The following B3GALT9 variants were observed in gnomAD, a reference collection of about 807,000 sequenced individuals.
B3GALT9 encodes the protein UDP-GlcNAc:betaGal beta-1,3-N-acetylglucosaminyltransferase 10 (putative).
At chr9:120,796,772 G>A (rs2044941528) in intron 2 of B3GALT9, among the ~76,000 whole-genome samples, 163 bp downstream of exon 2, 1 of 152,074 alleles carries the variant, frequency 6.6e-6, no homozygotes, top group Admixed American at 6.5e-5. Context: ...TAAAGGACAT[G>A]GGGGCCAGGT....
Position 120,799,459 on chromosome 9 carries a change from T to A in B3GALT9, c.891T>A (p.Ile297=), listed in dbSNP as rs139122611. 5.0e-6 allele frequency: 2 copies of A among 399,226 alleles called. No homozygotes were observed. The highest frequency in any genetic ancestry group is 2.1e-5 in the African/African-American group (1 of 48,638). 24.7% of individuals were successfully genotyped at this position (399,226 alleles called of 1,614,324 possible). The change falls in exon 3 of 3, where the codon ATT becomes ATA. Residue 297 remains isoleucine (I), a synonymous_variant. Coordinates refer to ENST00000689072, the MANE Select transcript of B3GALT9 (RefSeq NM_001386823.1). The part of the protein sequence containing the change: ...HSSRFSGKRH[I]RYNRCCYKFI... ...CAAGGTTTTCTGGGAAAAGGCACAT[T>A]AGATACAACAGATGTTGCTATAAGT...
chr9:120,796,548 A>G lies in B3GALT9; in HGVS notation c.-56A>G, dbSNP rs2131404416. ...GAGTGATCCTGAGATGCGTTTGGGC[A>G]TAATTGGCACCTGGACTCAATAATT... is the stretch of plus-strand genomic sequence containing the variant. On this transcript the variant is annotated 5_prime_UTR_variant, in exon 2 of 3. Transcript: ENST00000689072. 1.3e-5 allele frequency: 2 copies of G among 152,372 alleles called. No individual in the cohort carries two copies. The highest frequency in any genetic ancestry group is 3.4e-3 in the Middle Eastern group (1 of 294). 9.4% of individuals were successfully genotyped at this position (152,372 alleles called of 1,614,324 possible). A position where few individuals can be genotyped will look rare whatever the true frequency, so the allele number is the denominator to read the frequency against.
Position 120,798,560 on chromosome 9 carries a change from C to A in B3GALT9, c.7-15C>A, listed in dbSNP as rs1188193075. On this transcript the variant is annotated splice_polypyrimidine_tract_variant and intron_variant, in intron 2 of 2. Coordinates refer to ENST00000689072, the MANE Select transcript of B3GALT9 (RefSeq NM_001386823.1). ...AGGTGAAGCCTGAATGAACACGTGT[C>A]CTTTCCTTTTTTAGGTGACTTTCTG... is the stretch of plus-strand genomic sequence containing the variant. 2 of 399,522 alleles carry A rather than the reference C, an allele frequency of 5.0e-6. No homozygotes were observed. The highest frequency in any genetic ancestry group is 8.8e-6 in the Non-Finnish European group (2 of 226,224). 24.7% of individuals were successfully genotyped at this position (399,522 alleles called of 1,614,324 possible).
At chr9:120,797,022 A>C (rs2044943113) in intron 2 of B3GALT9, among the ~76,000 whole-genome samples, 2 of 138,922 alleles carry the variant, frequency 1.4e-5, no homozygotes, top group African/African-American at 5.2e-5. Flanking sequence ...ATGCCACTGC[A>C]GTCCAGCCTG....
At position 120,801,183 on chromosome 9, in the gene B3GALT9, A is replaced by G. The variant is rs941992556; in HGVS notation, c.*1505A>G. ...TGCATTGAATGTGGGGAGTGCAGAT[A>G]TCTCTTTAACATACTGATTTAATAT... is the stretch of plus-strand genomic sequence containing the variant. On this transcript the variant is annotated 3_prime_UTR_variant, in exon 3 of 3. Transcript: ENST00000689072. Among the ~76,000 whole-genome samples, 10 of 152,208 alleles carry G rather than the reference A, an allele frequency of 6.6e-5. No homozygotes were observed. Among genetic ancestry groups the G allele is most frequent in the Non-Finnish European group, 1.2e-4 (8 of 68,032 alleles).
rs976302852 is a variant in B3GALT9, at chr9:120,798,955, G to A, written c.387G>A (p.Ser129=). The A allele has an allele frequency of 1.0e-5, 4 of 398,790 alleles. No homozygotes were observed. Among genetic ancestry groups the A allele is most frequent in the South Asian group, 1.3e-4 (1 of 7,848 alleles). The allele number at this position is 398,790 out of a possible 1,614,324, so 24.7% of individuals were successfully genotyped here. ...LTLFALGMPV[S]VTTQKEINKE... ...TGTTTGCTCTGGGAATGCCTGTTTC[G>A]GTAACTACCCAGAAAGAGATCAACA... Residue 129 remains serine, a synonymous_variant, in exon 3 of 3, where the codon TCG becomes TCA. Transcript: ENST00000689072.
chr9:120,796,456 A>C lies in B3GALT9; in HGVS notation c.-148A>C, dbSNP rs2044939803. The C allele has an allele frequency of 6.6e-6, 1 of 152,210 alleles. No individual in the cohort carries two copies. The highest frequency in any genetic ancestry group is 1.5e-5 in the Non-Finnish European group (1 of 68,046). 9.4% of individuals were successfully genotyped at this position (152,210 alleles called of 1,614,324 possible). On this transcript the variant is annotated 5_prime_UTR_variant, in exon 2 of 3. Coordinates refer to ENST00000689072, the MANE Select transcript of B3GALT9 (RefSeq NM_001386823.1). The stretch of plus-strand genomic sequence containing the variant: ...TATTCTAGGATAAAAGCTCAGGTTG[A>C]TTGGCAAGAAACCTTATCCTCAAAA...
intron 2 of B3GALT9, among the ~76,000 whole-genome samples, chr9:120,797,324 T>G (rs769817413): frequency 9.2e-5 from 14 of 151,510 alleles, no homozygotes; most frequent in Non-Finnish European, 1.8e-4. Context: ...TGGCCAACAT[T>G]GCAAAACCCC....
chr9:120,794,829 T>C (rs2044925571), intron 1 of B3GALT9, among the ~76,000 whole-genome samples: 1 of 152,234 alleles, frequency 6.6e-6, no homozygotes, highest in African/African-American at 2.4e-5. Flanking sequence ...ACTAGTCTCT[T>C]GTGGCTACTG....
chr9:120,797,662 G>C (rs1331047812), intron 2 of B3GALT9, among the ~76,000 whole-genome samples: 7 of 152,118 alleles, frequency 4.6e-5, no homozygotes, highest in Admixed American at 4.6e-4. Flanking sequence ...TATCTGAAAG[G>C]GATATTACCA....
At chr9:120,795,428 A>G (rs1189619640) in intron 1 of B3GALT9, among the ~76,000 whole-genome samples, 1 of 152,230 alleles carries the variant, frequency 6.6e-6, no homozygotes, top group East Asian at 1.9e-4. Context: ...TCCAGGAGCA[A>G]AATTCATGAC....
chr9:120,794,373 T>C (rs571194772), intron 1 of B3GALT9, among the ~76,000 whole-genome samples: 26 of 151,856 alleles, frequency 1.7e-4, no homozygotes, highest in African/African-American at 6.3e-4. Context: ...CGTATCACTC[T>C]GTCGCCCAGG....
At position 120,799,333 on chromosome 9, in the gene B3GALT9, A is replaced by G. The variant is rs1156768453; in HGVS notation, c.765A>G (p.Arg255=). ...TTATAATGTCCCAAGATGTGGCTCG[A>G]ATGATGTATGTGGTTTTCAAAGAAG... ...EAFIMSQDVA[R]MMYVVFKEVP... is the part of the protein sequence containing the mutation. Residue 255 remains arginine (R), a synonymous_variant, in exon 3 of 3, where the codon CGA becomes CGG. Coordinates refer to ENST00000689072, the MANE Select transcript of B3GALT9 (RefSeq NM_001386823.1). 2.5e-6 allele frequency: 1 copy of G among 399,110 alleles called. No individual in the cohort carries two copies. The highest frequency in any genetic ancestry group is 2.1e-5 in the African/African-American group (1 of 48,574). The allele number at this position is 399,110 out of a possible 1,614,324, so 24.7% of individuals were successfully genotyped here. A position where few individuals can be genotyped will look rare whatever the true frequency, so the allele number is the denominator to read the frequency against.
In B3GALT9 at chr9:120,798,601, C is replaced by A; in HGVS notation, c.33C>A (p.His11Gln). The A allele has an allele frequency of 2.5e-6, 1 of 399,664 alleles. No individual in the cohort carries two copies. Among genetic ancestry groups the A allele is most frequent in the Non-Finnish European group, 4.4e-6 (1 of 226,222 alleles). The allele number at this position is 399,664 out of a possible 1,614,324, so 24.8% of individuals were successfully genotyped here. ...TGACTTTCTGCAGACTTCGGACTCA[C>A]CAGTGGTGTTTCATTCTATTTAATG... The part of the protein sequence containing the change: MQVTFCRLRT[H>Q]QWCFILFNVI... The change falls in exon 3 of 3, where the codon CAC becomes CAA. Residue 11 changes from histidine to glutamine, a missense_variant. His to Gln is a conservative substitution (Grantham distance 24). Transcript: ENST00000689072.
At chr9:120,795,381 A>G (rs1381122343) in intron 1 of B3GALT9, among the ~76,000 whole-genome samples, 1 of 152,250 alleles carries the variant, frequency 6.6e-6, no homozygotes, top group Admixed American at 6.5e-5. Context: ...TCTCATAACA[A>G]AGAAACCAAA....
rs187714501 is a variant in B3GALT9 at position 120,799,764 on chromosome 9, T to C, written c.*86T>C. 3.2e-4 allele frequency: 127 copies of C among 397,592 alleles called. No homozygotes were observed. Among genetic ancestry groups the C allele is most frequent in the African/African-American group, 2.5e-3 (120 of 48,744 alleles). The allele number at this position is 397,592 out of a possible 1,614,324, so 24.6% of individuals were successfully genotyped here. A position where few individuals can be genotyped will look rare whatever the true frequency, so the allele number is the denominator to read the frequency against. On this transcript the variant is annotated 3_prime_UTR_variant, in exon 3 of 3. Coordinates refer to ENST00000689072, the MANE Select transcript of B3GALT9 (RefSeq NM_001386823.1). ...AAAGCATCCCTTCTTTCCCATGTTT[T>C]ATGTAGGTTCTCTGAATCTTTAATT...
rs957691518 is a variant in B3GALT9 at position 120,800,959 on chromosome 9, C to G, written c.*1281C>G. On this transcript the variant is annotated 3_prime_UTR_variant, in exon 3 of 3. Coordinates refer to ENST00000689072, the MANE Select transcript of B3GALT9 (RefSeq NM_001386823.1). ...TTTACACTCCACATATAAGTGAGCT[C>G]ATGTGCTTATTTGTCCTTCAATGCC... Among the ~76,000 whole-genome samples the G allele has an allele frequency of 2.0e-5, 3 of 152,222 alleles. No individual in the cohort carries two copies. Among genetic ancestry groups the G allele is most frequent in the African/African-American group, 7.2e-5 (3 of 41,460 alleles).
intron 1 of B3GALT9, among the ~76,000 whole-genome samples, chr9:120,794,506 TTGTGTGTGTGTG>T (rs10589412): frequency 0.02 from 2,850 of 142,150 alleles, 50 homozygotes; most frequent in African/African-American, 0.039. Context: ...GCCCAGCTAG[TTGTGTGTGTGTG>T]TGTGTGTGTG....
At position 120,799,125 on chromosome 9, in the gene B3GALT9, C is replaced by A. The variant is rs768424714; in HGVS notation, c.557C>A (p.Thr186Lys). The A allele has an allele frequency of 2.5e-6, 1 of 398,918 alleles. No individual in the cohort carries two copies. The highest frequency in any genetic ancestry group is 4.4e-6 in the Non-Finnish European group (1 of 226,060). 24.7% of individuals were successfully genotyped at this position (398,918 alleles called of 1,614,324 possible). A position where few individuals can be genotyped will look rare whatever the true frequency, so the allele number is the denominator to read the frequency against. ...ALFILKVDEETFVNLPSLVDY... is the reference protein window; with the variant it reads ...ALFILKVDEEKFVNLPSLVDY... ...TTCATTCTCAAGGTGGATGAAGAGA[C>A]GTTTGTCAATCTACCAAGCTTGGTA... The change falls in exon 3 of 3, where the codon ACG becomes AAG. Residue 186 changes from threonine to lysine, a missense_variant. Thr to Lys is a moderately conservative substitution (Grantham distance 78). Coordinates refer to ENST00000689072, the MANE Select transcript of B3GALT9 (RefSeq NM_001386823.1).
Sources: gnomAD v4.1 joint callset for allele counts (sites outside exome capture counted in the v4.1 genomes callset) on GRCh38, gnomAD v4.1.1 for gene constraint, MANE v1.5 for transcripts, NCBI Gene and HGNC (gene_info 2026-07-23, HGNC 2026-07-21) for gene names.